The following RFX3 variants were observed in gnomAD, a reference collection of about 807,000 sequenced individuals.
RFX3 encodes the protein transcription factor RFX3.
In RFX3, 14 loss-of-function variants were observed where a neutral mutation model predicts 98.6. The observed-to-expected ratio is 0.14, with a 90% CI of 0.09 to 0.22. The LOEUF (loss-of-function observed/expected upper bound fraction) is 0.22. RFX3 is among the 10% of genes least tolerant of loss of function. The pLI is 1.00. For missense variants in RFX3, 639 were observed against 926.9 expected, an observed-to-expected ratio of 0.69 and a Z score of 4.03; for synonymous variants, 383 against 328.4, an observed-to-expected ratio of 1.17 and a Z score of -1.80.
intron 2 of RFX3, among the ~76,000 whole-genome samples, chr9:3,363,131 G>A (rs1243313834): frequency 6.6e-6 from 1 of 152,050 alleles, no homozygotes; most frequent in Non-Finnish European, 1.5e-5. Context: ...ATAATTTATT[G>A]GGAAAAGCAT....
intron 2 of RFX3, among the ~76,000 whole-genome samples, chr9:3,365,396 C>T (rs1662578251): frequency 6.6e-6 from 1 of 151,692 alleles, no homozygotes; most frequent in South Asian, 2.1e-4. Flanking sequence ...AAATAATGCA[C>T]TGCACATCAT....
chr9:3,427,791 T>G (rs1844259474), intron 1 of RFX3, among the ~76,000 whole-genome samples: 1 of 152,092 alleles, frequency 6.6e-6, no homozygotes, highest in Non-Finnish European at 1.5e-5. Context: ...ACAGTTTGAC[T>G]TGCCATATGT....
intron 5 of RFX3, among the ~76,000 whole-genome samples, chr9:3,293,585 G>A (rs939249269): frequency 6.6e-6 from 1 of 152,002 alleles, no homozygotes; most frequent in African/African-American, 2.4e-5. Context: ...CCGTTAACTG[G>A]TCATAAATAT....
intron 11 of RFX3, among the ~76,000 whole-genome samples, chr9:3,266,922 T>C (rs1390541783): frequency 6.6e-6 from 1 of 152,042 alleles, no homozygotes; most frequent in African/African-American, 2.4e-5. Context: ...ATAAAATTGC[T>C]GTTACGGAAA....
chr9:3,323,614 C>T (rs558603999), intron 4 of RFX3, among the ~76,000 whole-genome samples: 47 of 152,048 alleles, frequency 3.1e-4, no homozygotes, highest in Non-Finnish European at 6.3e-4. Flanking sequence ...TTAAACTTTG[C>T]TTATCTAGAT....
intron 1 of RFX3, among the ~76,000 whole-genome samples, chr9:3,517,664 A>C (rs193072960): frequency 6.6e-6 from 1 of 152,248 alleles, no homozygotes; most frequent in Non-Finnish European, 1.5e-5. Flanking sequence ...TGATTGTGCA[A>C]ACACAGTGTT....
chr9:3,250,041 G>C (rs1821179169), intron 14 of RFX3, among the ~76,000 whole-genome samples: 1 of 151,600 alleles, frequency 6.6e-6, no homozygotes, highest in Admixed American at 6.6e-5. Flanking sequence ...AAAATTCAGT[G>C]ACATATCACC....
chr9:3,339,153 G>C (rs1055320189), intron 3 of RFX3, among the ~76,000 whole-genome samples: 1 of 151,774 alleles, frequency 6.6e-6, no homozygotes, highest in Non-Finnish European at 1.5e-5. Flanking sequence ...AAAGTCTACT[G>C]TTATAAAAAG....
At chr9:3,493,175 T>C (rs907851085) in intron 1 of RFX3, among the ~76,000 whole-genome samples, 1 of 152,130 alleles carries the variant, frequency 6.6e-6, no homozygotes, top group Non-Finnish European at 1.5e-5. Context: ...ATCTACATCT[T>C]ATCCATGAAC....
intron 15 of RFX3, chr9:3,247,394 T>C: frequency 2.2e-6 from 2 of 898,266 alleles, no homozygotes; most frequent in Non-Finnish European, 1.3e-6. Context: ...GAAAAAAAAA[T>C]CTCTACCATT....
chr9:3,308,856 G>A (rs968355581), intron 4 of RFX3, among the ~76,000 whole-genome samples: 7 of 152,052 alleles, frequency 4.6e-5, no homozygotes, highest in African/African-American at 1.7e-4. Context: ...CACCAGAGAG[G>A]AACTGGAGAA....
chr9:3,520,322 T>C (rs1311739281), intron 1 of RFX3, among the ~76,000 whole-genome samples: 2 of 152,210 alleles, frequency 1.3e-5, no homozygotes, highest in Non-Finnish European at 2.9e-5. Context: ...CTAATTATAG[T>C]AAAATATGGA....
intron 1 of RFX3, among the ~76,000 whole-genome samples, chr9:3,439,479 C>T (rs1309499574): frequency 6.6e-6 from 1 of 151,894 alleles, no homozygotes; most frequent in Non-Finnish European, 1.5e-5. Flanking sequence ...GAGGTGGCAT[C>T]GTTACAGAAT....
intron 4 of RFX3, among the ~76,000 whole-genome samples, chr9:3,321,969 T>C (rs911911222): frequency 5.3e-5 from 8 of 152,136 alleles, no homozygotes; most frequent in African/African-American, 1.4e-4. Flanking sequence ...ACTTGGTCTC[T>C]AGTCTTTCAT....
chr9:3,330,911 A>G (rs988639944), intron 3 of RFX3, among the ~76,000 whole-genome samples: 1 of 152,188 alleles, frequency 6.6e-6, no homozygotes, highest in African/African-American at 2.4e-5. Flanking sequence ...TAGTTGACTT[A>G]GCTCCTACTT....
chr9:3,249,623 G>A (rs1821119479), intron 14 of RFX3, among the ~76,000 whole-genome samples: 1 of 152,048 alleles, frequency 6.6e-6, no homozygotes, highest in Non-Finnish European at 1.5e-5. Context: ...ATTATATGAT[G>A]ATGGCAGAGG....
chr9:3,328,668 T>A (rs1832212098), intron 4 of RFX3, among the ~76,000 whole-genome samples: 1 of 151,414 alleles, frequency 6.6e-6, no homozygotes, highest in Non-Finnish European at 1.5e-5. Context: ...AAATAAAGAG[T>A]TTTTTAAAAA....
At chr9:3,398,620 C>G (rs1026800009) in intron 1 of RFX3, among the ~76,000 whole-genome samples, 2 of 152,124 alleles carry the variant, frequency 1.3e-5, no homozygotes, top group African/African-American at 4.8e-5. Flanking sequence ...AGCTGTTCAA[C>G]TAAGAGTAGA....
At chr9:3,365,582 T>C (rs937700014) in intron 2 of RFX3, among the ~76,000 whole-genome samples, 1 of 152,152 alleles carries the variant, frequency 6.6e-6, no homozygotes, top group African/African-American at 2.4e-5. Flanking sequence ...CTAGCAAGGG[T>C]AAAGTTAATT....
Sources: allele counts gnomAD v4.1 joint callset (sites outside exome capture counted in the v4.1 genomes callset), GRCh38; gene constraint gnomAD v4.1.1; transcripts MANE v1.5; gene names NCBI Gene and HGNC (gene_info 2026-07-23, HGNC 2026-07-21).